The following STXBP4 variants were observed in gnomAD, a reference collection of about 807,000 sequenced individuals.
STXBP4 encodes syntaxin binding protein 4, also known as syntaxin-binding protein 4.
STXBP4 carries 55 observed loss-of-function variants against 76.1 expected under a neutral mutation model. The observed-to-expected ratio is 0.72, with a 90% confidence interval of 0.58 to 0.91. The LOEUF (loss-of-function observed/expected upper bound fraction) is 0.91, where lower values mean the gene tolerates loss of function less well. STXBP4 is among the 40% of genes least tolerant of loss of function. The pLI, the probability that STXBP4 is intolerant of heterozygous loss-of-function variation, is 0.00. For synonymous variants in STXBP4, 201 were observed against 220.2 expected (o/e 0.91, Z 0.77); for missense variants, 618 against 636.9 (o/e 0.97, Z 0.32).
intron 8 of STXBP4, chr17:55,030,873 C>A (rs2078495258): frequency 4.5e-6 from 1 of 220,986 alleles, no homozygotes; most frequent in Admixed American, 5.3e-5. Context: ...TGCCATTTTA[C>A]ATGTGCCAAA....
chr17:55,004,155 C>T (rs139662219), intron 7 of STXBP4, among the ~76,000 whole-genome samples: 2,471 of 151,748 alleles, frequency 0.016, 23 homozygotes, highest in Non-Finnish European at 0.024. Flanking sequence ...TGCACTCCAG[C>T]CTGGGTGACA....
At chr17:55,206,774 T>A in the STXBP4 span, among the ~76,000 whole-genome samples, 1 of 150,532 alleles carries the variant, frequency 6.6e-6, no homozygotes, top group Non-Finnish European at 1.5e-5. Context: ...GGAGAAGTTC[T>A]TGAACCCGGA....
At chr17:55,059,892 A>T (rs987791953) in intron 12 of STXBP4, among the ~76,000 whole-genome samples, 17 of 152,132 alleles carry the variant, frequency 1.1e-4, no homozygotes, top group African/African-American at 4.1e-4. Flanking sequence ...TTTAACAGTC[A>T]TAAAATGTGC....
chr17:55,128,488 T>C (rs987327387), intron 16 of STXBP4, among the ~76,000 whole-genome samples: 6 of 152,210 alleles, frequency 3.9e-5, no homozygotes, highest in Non-Finnish European at 8.8e-5. Context: ...CCTGCACAAC[T>C]TTACTGTGCC....
chr17:55,125,712 C>A (rs1452555270), intron 16 of STXBP4, among the ~76,000 whole-genome samples: 5 of 152,150 alleles, frequency 3.3e-5, no homozygotes, highest in Non-Finnish European at 7.3e-5. Flanking sequence ...TGACCCTGAA[C>A]TTGCATGAGC....
chr17:55,213,272 G>A, the STXBP4 span, among the ~76,000 whole-genome samples: 1 of 152,106 alleles, frequency 6.6e-6, no homozygotes, highest in African/African-American at 2.4e-5. Context: ...CAGCACCTTG[G>A]GAAGCCCAGA....
At chr17:55,116,658 G>GA (rs142715162) in intron 16 of STXBP4, among the ~76,000 whole-genome samples, 96,734 of 151,382 alleles carry the variant, frequency 0.64, 31,760 homozygotes, top group African/African-American at 0.79. Flanking sequence ...ATAATTATAT[G>GA]CAGTTATAAC....
intron 12 of STXBP4, among the ~76,000 whole-genome samples, chr17:55,052,987 TA>T (rs71361753): frequency 0.2 from 27,268 of 133,746 alleles, 3,276 homozygotes; most frequent in East Asian, 0.51. Flanking sequence ...GCTATTTTCT[TA>T]AAAAAAAAAA....
intron 12 of STXBP4, among the ~76,000 whole-genome samples, chr17:55,051,063 A>ATTT (rs779356824): frequency 6.6e-6 from 1 of 152,196 alleles, no homozygotes; most frequent in Non-Finnish European, 1.5e-5. Context: ...AAAGAAATCA[A>ATTT]AGGAGGGATA....
intron 17 of STXBP4, among the ~76,000 whole-genome samples, chr17:55,146,648 C>T (rs558180156): frequency 1.1e-4 from 16 of 151,730 alleles, no homozygotes; most frequent in African/African-American, 3.6e-4. Context: ...ACCCGGGAGG[C>T]GGAGTTTGCA....
At chr17:55,014,933 T>C (rs1403800355) in intron 8 of STXBP4, among the ~76,000 whole-genome samples, 1 of 152,002 alleles carries the variant, frequency 6.6e-6, no homozygotes, top group East Asian at 1.9e-4. Flanking sequence ...TTTGTCCCGT[T>C]TGTCCCGTTC....
chr17:54,993,135 T>C (rs574966649), intron 4 of STXBP4, among the ~76,000 whole-genome samples: 1 of 152,368 alleles, frequency 6.6e-6, no homozygotes, highest in African/African-American at 2.4e-5. Context: ...CTGTCAGTGA[T>C]AGCAGATTAA....
chr17:55,211,955 C>T, the STXBP4 span, among the ~76,000 whole-genome samples: 55 of 150,904 alleles, frequency 3.6e-4, no homozygotes, highest in African/African-American at 1.3e-3. Context: ...GGATTACGGG[C>T]ACATGCCACC....
intron 12 of STXBP4, among the ~76,000 whole-genome samples, chr17:55,053,585 A>G (rs2078888498): frequency 6.6e-6 from 1 of 152,148 alleles, no homozygotes; most frequent in Non-Finnish European, 1.5e-5. Flanking sequence ...TCTTTATACT[A>G]TTCTTGCAGC....
the STXBP4 span, among the ~76,000 whole-genome samples, chr17:55,194,549 TA>T: frequency 6.6e-6 from 1 of 152,178 alleles, no homozygotes; most frequent in Non-Finnish European, 1.5e-5. Flanking sequence ...GCAAAGCAGC[TA>T]ATACTCGCCC....
At chr17:55,057,372 C>T (rs917691629) in intron 12 of STXBP4, among the ~76,000 whole-genome samples, 2 of 152,158 alleles carry the variant, frequency 1.3e-5, no homozygotes, top group African/African-American at 2.4e-5. Flanking sequence ...ACTCAATTTA[C>T]GTGCGTATAC....
rs553933060 is a variant in STXBP4 at position 55,087,617 on chromosome 17, G to A, written c.1489+6434G>A. 3.3e-5 allele frequency among the ~76,000 whole-genome samples: 5 copies of A among 151,944 alleles called. No homozygotes were observed. The East Asian group carries it at 5.8e-4, about 18-fold the overall frequency. ...TCATTGGTCTGTGTGATTTTAGGCC[G>A]GTCCCATGCTGTTTTGGTTACTGCA... is the stretch of plus-strand genomic sequence containing the variant. On this transcript the variant is annotated intron_variant, in intron 16 of 17. Transcript: ENST00000376352.
At chr17:55,036,453 G>T (rs1351433463) in intron 10 of STXBP4, among the ~76,000 whole-genome samples, 1 of 151,020 alleles carries the variant, frequency 6.6e-6, no homozygotes, top group Non-Finnish European at 1.5e-5. Flanking sequence ...TTAAAAATTT[G>T]TTTCATTTTA....
At chr17:55,184,620 G>A in the STXBP4 span, among the ~76,000 whole-genome samples, 2 of 152,140 alleles carry the variant, frequency 1.3e-5, no homozygotes, top group East Asian at 1.9e-4. Flanking sequence ...ATAAGCTGAG[G>A]AGTATTCTTT....
Sources: allele counts gnomAD v4.1 joint callset (sites outside exome capture counted in the v4.1 genomes callset), GRCh38; gene constraint gnomAD v4.1.1; transcripts MANE v1.5; gene names NCBI Gene and HGNC (gene_info 2026-07-23, HGNC 2026-07-21).